XRCC5: variants seen among roughly 807,000 people sequenced by gnomAD.
The protein encoded by XRCC5 is DNA repair protein Ku80.
A neutral mutation model predicts 95.7 loss-of-function variants in XRCC5; 12 were observed. The observed-to-expected ratio is 0.13, with a 90% CI of 0.08 to 0.20. The LOEUF is 0.20. Ranked by LOEUF, XRCC5 falls within the 10% of genes least tolerant of loss-of-function variation. The pLI is 1.00. For missense variants in XRCC5, 595 were observed against 873.9 expected (o/e 0.68, Z 4.02); for synonymous variants, 281 against 290.3 (o/e 0.97, Z 0.33).
intron 14 of XRCC5, among the ~76,000 whole-genome samples, chr2:216,155,160 G>A (rs1318342916): frequency 6.7e-6 from 1 of 148,176 alleles, no homozygotes; most frequent in East Asian, 2.0e-4. Flanking sequence ...CAGGGTTCAA[G>A]GTGGCAGTGA....
intron 8 of XRCC5, 54 bp downstream of exon 8, chr2:216,127,728 T>TA: frequency 6.6e-7 from 1 of 1,517,606 alleles, no homozygotes; most frequent in East Asian, 2.3e-5. Flanking sequence ...TTCAACATGA[T>TA]GTGATGCAGG....
At chr2:216,166,115 A>AT (rs1047821618) in intron 16 of XRCC5, among the ~76,000 whole-genome samples, 3 of 151,784 alleles carry the variant, frequency 2.0e-5, no homozygotes, top group South Asian at 4.2e-4. Context: ...ATAGAAAACA[A>AT]TTTTTTTTCT....
In XRCC5 at chr2:216,203,013, G is replaced by A. The variant is rs41296809; in HGVS notation, c.2110-1309G>A. ...TATTTTAGTTTATTTATAGGTCTTA[G>A]GTTTCAGAGGTCATGATTGTGTCCA... On this transcript the variant is annotated intron_variant, in intron 19 of 20. Transcript: ENST00000392132. Among the ~76,000 whole-genome samples the A allele has an allele frequency of 6.4e-3, 982 of 152,288 alleles. 8 individuals are homozygous for A. Among genetic ancestry groups the A allele is most frequent in the African/African-American group, 0.022 (931 of 41,558 alleles).
intron 16 of XRCC5, among the ~76,000 whole-genome samples, chr2:216,172,464 C>CTTTTTTTTT: frequency 1.4e-5 from 1 of 70,340 alleles, no homozygotes; most frequent in South Asian, 5.9e-4. Context: ...ATCAGCTTTT[C>CTTTTTTTTT]TTTTCTTTTT....
chr2:216,150,874 G>A (rs1688728929), intron 14 of XRCC5, among the ~76,000 whole-genome samples: 1 of 152,108 alleles, frequency 6.6e-6, no homozygotes, highest in Non-Finnish European at 1.5e-5. Flanking sequence ...GGGCAACAGA[G>A]CGAGACTCCA....
rs1559240385 is a variant in XRCC5, at chr2:216,127,584, A to T, written c.847A>T (p.Thr283Ser). ...KKTWTVVDAK[T>S]LKKEDIQKET... ...GACTTGGACAGTTGTGGATGCAAAA[A>T]CCCTAAAAAAAGAAGATATACAAAA... The change falls in exon 8 of 21, where the codon ACC becomes TCC. Residue 283 changes from threonine to serine, a missense_variant. Thr to Ser is a moderately conservative substitution (Grantham distance 58, BLOSUM62 1). Transcript: ENST00000392132. 2 of 1,612,444 alleles carry T rather than the reference A, an allele frequency of 1.2e-6. No individual in the cohort carries two copies. Among genetic ancestry groups the T allele is most frequent in the Admixed American group, 3.4e-5 (2 of 59,656 alleles).
intron 14 of XRCC5, chr2:216,156,872 C>T (rs958244912): frequency 5.9e-5 from 20 of 339,226 alleles, no homozygotes; most frequent in Admixed American, 2.4e-4. Context: ...ATGCTGGGCT[C>T]GGTGCCCACT....
At chr2:216,159,424 C>T (rs991188832) in intron 14 of XRCC5, among the ~76,000 whole-genome samples, 1 of 152,144 alleles carries the variant, frequency 6.6e-6, no homozygotes, top group Non-Finnish European at 1.5e-5. Flanking sequence ...ACAGATGCTA[C>T]TGGACTGTTA....
chr2:216,204,382 G>A lies in XRCC5; in HGVS notation c.2170G>A (p.Asp724Asn). The change falls in exon 20 of 21, where the codon GAT becomes AAT. Residue 724 changes from aspartate (D) to asparagine (N), a missense_variant. Transcript: ENST00000392132. ...AGCAGCTGTATTTGAAGAAGGTGGT[G>A]ATGTGGACGATTTAGTAAGTACTTT... ...DTAAVFEEGG[D>N]VDDLLDMI is the part of the protein sequence containing the mutation. 2 of 1,613,934 alleles carry A rather than the reference G, an allele frequency of 1.2e-6. No individual in the cohort carries two copies. Among genetic ancestry groups the A allele is most frequent in the Non-Finnish European group, 8.5e-7 (1 of 1,179,824 alleles).
At chr2:216,156,644 C>T in intron 14 of XRCC5, 1 of 556,288 alleles carries the variant, frequency 1.8e-6, no homozygotes, top group South Asian at 1.4e-5. Flanking sequence ...CATATAGTGA[C>T]CCCAAATGCA....
intron 16 of XRCC5, among the ~76,000 whole-genome samples, chr2:216,170,017 G>A (rs888131804): frequency 2.4e-4 from 28 of 114,884 alleles, no homozygotes; most frequent in South Asian, 6.3e-4. Flanking sequence ...CCAGCCTGGC[G>A]ACAGAGCAAG....
At chr2:216,116,362 A>ATTGAGAAT in intron 2 of XRCC5, among the ~76,000 whole-genome samples, 1 of 151,944 alleles carries the variant, frequency 6.6e-6, no homozygotes, top group Non-Finnish European at 1.5e-5. Flanking sequence ...TGGTTCTCTC[A>ATTGAGAAT]TTGAGAATTA....
chr2:216,130,773 T>C, intron 8 of XRCC5, 102 bp from the exon 9 acceptor site: 1 of 670,906 alleles, frequency 1.5e-6, no homozygotes, highest in Non-Finnish European at 2.5e-6. Flanking sequence ...GGAGGCTTGC[T>C]CTGGCGTGTG....
intron 18 of XRCC5, among the ~76,000 whole-genome samples, 179 bp downstream of exon 18, chr2:216,192,914 C>T (rs1689644931): frequency 6.6e-6 from 1 of 152,122 alleles, no homozygotes. Flanking sequence ...CTCAAACTCT[C>T]CCTTAATAAG....
rs1297875482 is a variant in XRCC5 at position 216,138,073 on chromosome 2, C to T, written c.1252-16C>T. 2 of 1,588,474 alleles carry T rather than the reference C, an allele frequency of 1.3e-6. No individual in the cohort carries two copies. Among genetic ancestry groups the T allele is most frequent in the African/African-American group, 2.7e-5 (2 of 73,914 alleles). ...ATTTCATCGTTTCTGCTTTTACCCC[C>T]TTTCTTTCTCATTAGTGTTTAGTGT... On this transcript the variant is annotated splice_polypyrimidine_tract_variant and intron_variant, in intron 11 of 20. Transcript: ENST00000392132.
At chr2:216,134,311 A>T (rs1445590641) in intron 10 of XRCC5, among the ~76,000 whole-genome samples, 1 of 152,226 alleles carries the variant, frequency 6.6e-6, no homozygotes. Flanking sequence ...GTGTGTAGAA[A>T]ACAAGGAGGG....
intron 4 of XRCC5, among the ~76,000 whole-genome samples, chr2:216,118,145 T>C (rs1431282667): frequency 1.3e-5 from 2 of 151,972 alleles, no homozygotes; most frequent in East Asian, 3.8e-4. Context: ...CCAACTTCCC[T>C]TTTTTGTTGT....
intron 16 of XRCC5, among the ~76,000 whole-genome samples, chr2:216,168,805 A>G (rs988264179): frequency 3.3e-5 from 5 of 152,272 alleles, no homozygotes; most frequent in Admixed American, 6.5e-5. Flanking sequence ...CCTAGATCGC[A>G]TATAAGTTAC....
At chr2:216,132,493 C>T in intron 10 of XRCC5, 106 bp downstream of exon 10, 1 of 1,129,994 alleles carries the variant, frequency 8.8e-7, no homozygotes, top group Non-Finnish European at 1.3e-6. Context: ...TGAATTCTTG[C>T]AATAGGAGTG....
Sources: allele counts gnomAD v4.1 joint callset (sites outside exome capture counted in the v4.1 genomes callset), GRCh38; gene constraint gnomAD v4.1.1; transcripts MANE v1.5; gene names NCBI Gene and HGNC (gene_info 2026-07-23, HGNC 2026-07-21).